The following SPSB1 variants were observed in gnomAD, a reference collection of about 807,000 sequenced individuals.
SPSB1 encodes SPRY domain-containing SOCS box protein 1.
A neutral mutation model predicts 21.2 loss-of-function variants in SPSB1; 8 were observed. That is an observed-to-expected ratio of 0.38 (90% confidence interval 0.22 to 0.68). The LOEUF (loss-of-function observed/expected upper bound fraction) is 0.68. Among genes scored for constraint, SPSB1 ranks in the 30% least tolerant of loss-of-function variants. SPSB1 has a pLI of 0.53. For missense variants in SPSB1, 242 were observed against 377.8 expected (o/e 0.64, Z 2.98); for synonymous variants, 169 against 161.7 (o/e 1.05, Z -0.34).
intron 1 of SPSB1, among the ~76,000 whole-genome samples, chr1:9,308,955 A>G (rs1428072491): frequency 1.3e-5 from 2 of 152,116 alleles, no homozygotes; most frequent in Non-Finnish European, 2.9e-5. Context: ...TGCAGGAAAC[A>G]TGAGCTCCCT....
chr1:9,304,987 CCTGGCTTAGAAAGCT>C (rs1639388499), intron 1 of SPSB1, among the ~76,000 whole-genome samples: 2 of 152,140 alleles, frequency 1.3e-5, no homozygotes. Context: ...GTTGCCCCAT[CCTGGCTTAGAAAGCT>C]CTGGCCATTC....
At chr1:9,337,238 G>A (rs1009540848) in intron 1 of SPSB1, among the ~76,000 whole-genome samples, 11 of 152,064 alleles carry the variant, frequency 7.2e-5, no homozygotes, top group African/African-American at 1.2e-4. Context: ...TCTAACCCCC[G>A]GGATTAGCTC....
chr1:9,360,164 C>T (rs954978484), intron 2 of SPSB1, among the ~76,000 whole-genome samples: 3 of 151,666 alleles, frequency 2.0e-5, no homozygotes, highest in African/African-American at 4.8e-5. Context: ...GGCTAGAGAG[C>T]GAGGAGAAGA....
At chr1:9,357,135 G>A (rs1640380376) in intron 2 of SPSB1, among the ~76,000 whole-genome samples, 2 of 110,226 alleles carry the variant, frequency 1.8e-5, no homozygotes, top group African/African-American at 5.7e-5. Flanking sequence ...ATGGATGAGT[G>A]GATGGATGGA....
intron 1 of SPSB1, among the ~76,000 whole-genome samples, chr1:9,335,790 A>T (rs551780231): frequency 1.6e-4 from 24 of 152,356 alleles, no homozygotes; most frequent in Admixed American, 1.0e-3. Flanking sequence ...CCTGGACGAC[A>T]GGGCAGGACC....
At position 9,348,732 on chromosome 1, in the gene SPSB1, C is replaced by T. The variant is rs537430421; in HGVS notation, c.-149-7011C>T. On this transcript the variant is annotated intron_variant, in intron 1 of 2. Transcript: ENST00000328089. This position sits in a 1 kb window ranked among gnomAD's most constrained non-coding sequence, Gnocchi z 4.8. ...ACCCAGACAACCTTAAATGGCTGTT[C>T]GAAGCTGGCCGAGGGAGTACGGGGC... is the stretch of plus-strand genomic sequence containing the variant. Among the ~76,000 whole-genome samples, 9 of 152,036 alleles carry T rather than the reference C, an allele frequency of 5.9e-5. No individual in the cohort carries two copies. The highest frequency in any genetic ancestry group is 1.9e-4 in the East Asian group (1 of 5,156).
intron 2 of SPSB1, among the ~76,000 whole-genome samples, chr1:9,366,660 A>G (rs1361913052): frequency 6.8e-6 from 1 of 147,240 alleles, no homozygotes; most frequent in Admixed American, 6.9e-5. Flanking sequence ...TGCAACCTCC[A>G]TCTCCCAGGT....
In SPSB1 at chr1:9,317,582, A is replaced by T. The variant is rs1639635842; in HGVS notation, c.-150+24511A>T. Among the ~76,000 whole-genome samples the T allele has an allele frequency of 6.6e-6, 1 of 152,008 alleles. No homozygotes were observed. The highest frequency in any genetic ancestry group is 1.5e-5 in the Non-Finnish European group (1 of 67,976). On this transcript the variant is annotated intron_variant, in intron 1 of 2. Coordinates refer to ENST00000328089, the MANE Select transcript of SPSB1 (RefSeq NM_025106.4). This position sits in a 1 kb window ranked among gnomAD's most constrained non-coding sequence, Gnocchi z 4.3. ...GCCTCCCAGGCTCGGGGATCCTCAC[A>T]CCTCAGCCTCTTGAGTAGCTGGGAC...
At chr1:9,313,041 C>T (rs1016377976) in intron 1 of SPSB1, among the ~76,000 whole-genome samples, 2 of 152,220 alleles carry the variant, frequency 1.3e-5, no homozygotes, top group Admixed American at 1.3e-4. Context: ...AACTTACTGA[C>T]TGCTGCACAG....
intron 1 of SPSB1, among the ~76,000 whole-genome samples, chr1:9,344,576 G>T (rs1029113435): frequency 2.6e-5 from 4 of 152,200 alleles, no homozygotes; most frequent in Admixed American, 2.6e-4. Flanking sequence ...TTGAGAGGCG[G>T]CAGGAGGAGG....
chr1:9,327,217 G>A (rs1310431097), intron 1 of SPSB1, among the ~76,000 whole-genome samples: 1 of 152,194 alleles, frequency 6.6e-6, no homozygotes, highest in South Asian at 2.1e-4. Flanking sequence ...CCCTGAGTAT[G>A]GGCAGAAATT....
chr1:9,349,035 C>A (rs1167662202), intron 1 of SPSB1, among the ~76,000 whole-genome samples: 1 of 152,132 alleles, frequency 6.6e-6, no homozygotes, highest in Admixed American at 6.6e-5. Context: ...AGAAGAAGTT[C>A]ACTGAAGCCA....
chr1:9,323,176 G>A (rs1639751257), intron 1 of SPSB1, among the ~76,000 whole-genome samples: 1 of 152,234 alleles, frequency 6.6e-6, no homozygotes, highest in Admixed American at 6.5e-5. Flanking sequence ...TATCCATGGG[G>A]CCTCTGTCCC....
Position 9,361,163 on chromosome 1 carries a change from T to TTTTTTTTTTTTTTTC in SPSB1, c.694+4592_694+4593insCTTTTTTTTTTTTTT, listed in dbSNP as rs1557467310. 4.5e-5 allele frequency among the ~76,000 whole-genome samples: 6 copies of TTTTTTTTTTTTTTTC among 132,648 alleles called. 1 individual carries two copies. Among genetic ancestry groups the TTTTTTTTTTTTTTTC allele is most frequent in the Non-Finnish European group, 8.3e-5 (5 of 60,572 alleles). 87.0% of individuals were successfully genotyped at this position (132,648 alleles called of 152,430 possible). A position where few individuals can be genotyped will look rare whatever the true frequency, so the allele number is the denominator to read the frequency against. On this transcript the variant is annotated intron_variant, in intron 2 of 2. Transcript: ENST00000328089. ...GGCTGGATCTGTCATTTTCTTTTTT[T>TTTTTTTTTTTTTTTC]TTTTTTTTTTTTTTTTTTTTAGAGA...
intron 2 of SPSB1, among the ~76,000 whole-genome samples, chr1:9,362,425 G>A (rs767600577): frequency 6.6e-6 from 1 of 152,192 alleles, no homozygotes; most frequent in Non-Finnish European, 1.5e-5. Flanking sequence ...TAGTGTAGAG[G>A]AAAACACACA....
rs567688971 is a variant in SPSB1 at position 9,324,695 on chromosome 1, C to T, written c.-149-31048C>T. Among the ~76,000 whole-genome samples, 1 of 152,234 alleles carries T rather than the reference C, an allele frequency of 6.6e-6. No individual in the cohort carries two copies. The highest frequency in any genetic ancestry group is 2.4e-5 in the African/African-American group (1 of 41,524). Reference sequence around the variant, plus strand: ...GTGTGTGGCTCCTGGCAGGAGGCAGCGGCCAGCCAGCATCTCCCGGAGCCC... The same window carrying T: ...GTGTGTGGCTCCTGGCAGGAGGCAGTGGCCAGCCAGCATCTCCCGGAGCCC... On this transcript the variant is annotated intron_variant, in intron 1 of 2. Coordinates refer to ENST00000328089, the MANE Select transcript of SPSB1 (RefSeq NM_025106.4). This position sits in a 1 kb window ranked among gnomAD's most constrained non-coding sequence, Gnocchi z 4.3.
At chr1:9,306,788 G>T (rs1639418961) in intron 1 of SPSB1, among the ~76,000 whole-genome samples, 1 of 152,138 alleles carries the variant, frequency 6.6e-6, no homozygotes, top group Non-Finnish European at 1.5e-5. Flanking sequence ...AGTCAGAAGT[G>T]GTCCTAGGTA....
intron 2 of SPSB1, among the ~76,000 whole-genome samples, chr1:9,360,985 C>T (rs2100519891): frequency 6.6e-6 from 1 of 152,108 alleles, no homozygotes; most frequent in East Asian, 1.9e-4. Context: ...GCTGGGGTGC[C>T]CATAGTGAGG....
chr1:9,345,121 G>A lies in SPSB1; in HGVS notation c.-149-10622G>A, dbSNP rs867436153. On this transcript the variant is annotated intron_variant, in intron 1 of 2. Coordinates refer to ENST00000328089, the MANE Select transcript of SPSB1 (RefSeq NM_025106.4). This position sits in a 1 kb window ranked among gnomAD's most constrained non-coding sequence, Gnocchi z 4.8. ...GTCCCACAGGAGGCTAGGCTGGAGCGAGGCCCTTCCAGAGAACCAGCTTCT... is the reference window on the plus strand; with the variant it reads ...GTCCCACAGGAGGCTAGGCTGGAGCAAGGCCCTTCCAGAGAACCAGCTTCT... 4.6e-5 allele frequency among the ~76,000 whole-genome samples: 7 copies of A among 152,176 alleles called. No individual in the cohort carries two copies. The highest frequency in any genetic ancestry group is 1.4e-4 in the African/African-American group (6 of 41,428).
Sources: allele counts gnomAD v4.1 joint callset (sites outside exome capture counted in the v4.1 genomes callset), GRCh38; gene constraint gnomAD v4.1.1; non-coding constraint Gnocchi (gnomAD v3.1); transcripts MANE v1.5; gene names NCBI Gene and HGNC (gene_info 2026-07-23, HGNC 2026-07-21).